The following PCLO variants were observed in gnomAD, a reference collection of about 807,000 sequenced individuals.
The protein encoded by PCLO is protein piccolo.
Under a neutral mutation model 427.5 loss-of-function variants are expected in PCLO, and 82 were observed. The ratio of observed to expected loss-of-function variants is 0.19; its 90% CI spans 0.16 to 0.23. The LOEUF (loss-of-function observed/expected upper bound fraction) is 0.23. PCLO is among the 10% of genes least tolerant of loss of function. The probability of loss-of-function intolerance (pLI) is 1.00; values close to 1 mark genes in which losing one functional copy is unlikely to be tolerated. For synonymous variants in PCLO, 2,357 were observed against 2,155.4 expected, an observed-to-expected ratio of 1.09 and a Z score of -2.59; for missense variants, 6,239 against 6,115.9, an observed-to-expected ratio of 1.02 and a Z score of -0.67.
intron 20 of PCLO, among the ~76,000 whole-genome samples, chr7:82,818,610 G>A (rs1397467237): frequency 6.6e-6 from 1 of 152,096 alleles, no homozygotes. Flanking sequence ...AAAATTAGGA[G>A]AGTTTGATTT....
chr7:82,784,850 T>C (rs1790949827), intron 22 of PCLO, among the ~76,000 whole-genome samples: 2 of 152,208 alleles, frequency 1.3e-5, no homozygotes, highest in South Asian at 2.1e-4. Flanking sequence ...TTTTATTATA[T>C]GTAGATCTAG....
chr7:82,918,133 T>C (rs1794510876), intron 6 of PCLO, among the ~76,000 whole-genome samples: 1 of 151,956 alleles, frequency 6.6e-6, no homozygotes, highest in Admixed American at 6.6e-5. Context: ...ATCTTTGAAA[T>C]AAGGTAAAGT....
At chr7:82,907,013 A>G (rs1479679749) in intron 8 of PCLO, among the ~76,000 whole-genome samples, 1 of 151,940 alleles carries the variant, frequency 6.6e-6, no homozygotes, top group Non-Finnish European at 1.5e-5. Context: ...CATTATTACT[A>G]TGTACCCAGT....
intron 6 of PCLO, among the ~76,000 whole-genome samples, chr7:82,932,769 T>G (rs1391627419): frequency 3.9e-5 from 6 of 152,048 alleles, no homozygotes; most frequent in Admixed American, 6.6e-5. Context: ...ACATGCTAGA[T>G]TGCACTGTTA....
intron 10 of PCLO, among the ~76,000 whole-genome samples, chr7:82,863,971 G>T (rs1793029815): frequency 1.3e-5 from 2 of 151,872 alleles, no homozygotes; most frequent in Non-Finnish European, 2.9e-5. Flanking sequence ...CAGCAATCCA[G>T]TAAAATAGAT....
chr7:82,969,465 T>G (rs770166602), intron 3 of PCLO, among the ~76,000 whole-genome samples: 6 of 152,072 alleles, frequency 3.9e-5, no homozygotes, highest in Admixed American at 2.6e-4. Context: ...ACCTAGCATT[T>G]TAAATAATTG....
rs1256218707 is a variant in PCLO at position 82,870,601 on chromosome 7, C to G, written c.13654+8736G>C. On this transcript the variant is annotated intron_variant, in intron 10 of 24. Transcript: ENST00000333891. ...AATTTGACAAATGGGATTACGTCAACCTAAAAAGCTTCTGCATGGCAAAGG... is the reference window on the plus strand; with the variant it reads ...AATTTGACAAATGGGATTACGTCAAGCTAAAAAGCTTCTGCATGGCAAAGG... 2.0e-5 allele frequency among the ~76,000 whole-genome samples: 3 copies of G among 151,686 alleles called. 1 individual carries two copies. The highest frequency in any genetic ancestry group is 2.0e-4 in the Admixed American group (3 of 15,192).
At chr7:83,025,395 G>A (rs1372705210) in intron 3 of PCLO, among the ~76,000 whole-genome samples, 3 of 150,248 alleles carry the variant, frequency 2.0e-5, no homozygotes, top group African/African-American at 7.3e-5. Flanking sequence ...GAGAAGGGAA[G>A]TTTAGAGAAA....
chr7:82,830,664 C>G (rs1404677974), intron 16 of PCLO, among the ~76,000 whole-genome samples: 1 of 151,804 alleles, frequency 6.6e-6, no homozygotes, highest in African/African-American at 2.4e-5. Context: ...ATACACTGAA[C>G]AGTAATAAAA....
intron 3 of PCLO, among the ~76,000 whole-genome samples, chr7:83,087,323 G>A (rs1419232859): frequency 6.6e-6 from 1 of 151,894 alleles, no homozygotes; most frequent in Non-Finnish European, 1.5e-5. Flanking sequence ...GGAGGAGGGC[G>A]ACAGATTAAA....
chr7:82,905,662 A>T (rs937583842), intron 8 of PCLO, among the ~76,000 whole-genome samples: 2 of 151,966 alleles, frequency 1.3e-5, no homozygotes, highest in Non-Finnish European at 2.9e-5. Context: ...CTGGGTGATG[A>T]TTAGGGTTTG....
Position 83,102,975 on chromosome 7 carries a change from T to C in PCLO, c.3300+31275A>G, listed in dbSNP as rs981919831. On this transcript the variant is annotated intron_variant, in intron 3 of 24. Transcript: ENST00000333891. The stretch of plus-strand genomic sequence containing the variant: ...AATCTGAGACATTTATTAATTTGTA[T>C]ACCAAAAATGGTATGTTTATTTCCC... 9.9e-5 allele frequency among the ~76,000 whole-genome samples: 11 copies of C among 111,138 alleles called. No individual in the cohort carries two copies. In the East Asian group the frequency reaches 3.1e-3, roughly 31 times the overall value. 72.9% of individuals were successfully genotyped at this position (111,138 alleles called of 152,430 possible). A position where few individuals can be genotyped will look rare whatever the true frequency, so the allele number is the denominator to read the frequency against.
intron 10 of PCLO, among the ~76,000 whole-genome samples, chr7:82,859,042 G>A (rs999289903): frequency 6.6e-6 from 1 of 152,152 alleles, no homozygotes; most frequent in Non-Finnish European, 1.5e-5. Context: ...GGGAAGAGTG[G>A]GAAGGATTGC....
At chr7:82,968,615 G>T (rs1020263526) in intron 3 of PCLO, among the ~76,000 whole-genome samples, 1 of 149,696 alleles carries the variant, frequency 6.7e-6, no homozygotes, top group Non-Finnish European at 1.5e-5. Flanking sequence ...TGCCGCCCGG[G>T]TTCAAGAAAT....
chr7:82,863,728 C>A (rs2115931500), intron 10 of PCLO, among the ~76,000 whole-genome samples: 1 of 152,064 alleles, frequency 6.6e-6, no homozygotes, highest in South Asian at 2.1e-4. Context: ...TAGAGAAATT[C>A]TTTCTCTAAT....
intron 13 of PCLO, among the ~76,000 whole-genome samples, chr7:82,843,241 G>C (rs1186834298): frequency 6.6e-6 from 1 of 152,156 alleles, no homozygotes; most frequent in South Asian, 2.1e-4. Flanking sequence ...AGGAAGTCCT[G>C]TCATTTGTAA....
chr7:82,957,866 G>A (rs1795563992), intron 4 of PCLO, among the ~76,000 whole-genome samples: 1 of 152,170 alleles, frequency 6.6e-6, no homozygotes, highest in Non-Finnish European at 1.5e-5. Context: ...GGGACCCTTA[G>A]CAACACACCA....
intron 20 of PCLO, among the ~76,000 whole-genome samples, chr7:82,809,244 C>G (rs1791518240): frequency 1.3e-5 from 2 of 151,730 alleles, no homozygotes; most frequent in African/African-American, 2.4e-5. Context: ...TTTTATTGGT[C>G]TGGTCTTTCC....
At chr7:83,061,738 C>T (rs958061360) in intron 3 of PCLO, among the ~76,000 whole-genome samples, 6 of 152,158 alleles carry the variant, frequency 3.9e-5, no homozygotes, top group Non-Finnish European at 7.4e-5. Flanking sequence ...TATTACCCTA[C>T]ATGACTCCTC....
Sources: allele counts gnomAD v4.1 joint callset (sites outside exome capture counted in the v4.1 genomes callset), GRCh38; gene constraint gnomAD v4.1.1; transcripts MANE v1.5; gene names NCBI Gene and HGNC (gene_info 2026-07-23, HGNC 2026-07-21).